POGLUT3: variants seen among roughly 807,000 people sequenced by gnomAD.
POGLUT3 encodes KDEL (Lys-Asp-Glu-Leu) containing 2.
In POGLUT3, 48 loss-of-function variants were observed where a neutral mutation model predicts 54.3. The ratio of observed to expected loss-of-function variants is 0.88; its 90% CI spans 0.70 to 1.12. The LOEUF (loss-of-function observed/expected upper bound fraction) is 1.12. POGLUT3 is among the 50% of genes most tolerant of loss of function. The probability of loss-of-function intolerance (pLI) is 0.00; values close to 1 mark genes in which losing one functional copy is unlikely to be tolerated. For missense variants in POGLUT3, 629 were observed against 618.7 expected, an observed-to-expected ratio of 1.02 and a Z score of -0.18; for synonymous variants, 218 against 237.4, an observed-to-expected ratio of 0.92 and a Z score of 0.75.
Position 108,472,600 on chromosome 11 carries a change from C to G in POGLUT3, c.*2227G>C, listed in dbSNP as rs1234204219. The G allele has an allele frequency of 1.3e-5, 2 of 152,196 alleles. No individual in the cohort carries two copies. The highest frequency in any genetic ancestry group is 2.9e-5 in the Non-Finnish European group (2 of 68,046). The allele number at this position is 152,196 out of a possible 1,614,324, so 9.4% of individuals were successfully genotyped here. A position where few individuals can be genotyped will look rare whatever the true frequency, so the allele number is the denominator to read the frequency against. On this transcript the variant is annotated 3_prime_UTR_variant, in exon 8 of 8. Coordinates refer to ENST00000323468, the MANE Select transcript of POGLUT3 (RefSeq NM_153705.5). Reference sequence around the variant, plus strand: ...ATCCTTCCTGTTCCACACACTGAATCTGCCTGGTTTGTCTCAACTTGCTTT... The same window carrying G: ...ATCCTTCCTGTTCCACACACTGAATGTGCCTGGTTTGTCTCAACTTGCTTT...
Position 108,474,416 on chromosome 11 carries a change from G to A in POGLUT3, c.*411C>T, listed in dbSNP as rs2093576216. On this transcript the variant is annotated 3_prime_UTR_variant, in exon 8 of 8. Coordinates refer to ENST00000323468, the MANE Select transcript of POGLUT3 (RefSeq NM_153705.5). The stretch of plus-strand genomic sequence containing the variant: ...TTTGAGTGCTGACACCACCACTTGG[G>A]TCGCTAAGATAGTGACACCTTTGCT... The A allele has an allele frequency of 6.6e-6, 1 of 152,350 alleles. No individual in the cohort carries two copies. Among genetic ancestry groups the A allele is most frequent in the African/African-American group, 2.4e-5 (1 of 41,424 alleles). 9.4% of individuals were successfully genotyped at this position (152,350 alleles called of 1,614,324 possible).
At chr11:108,484,640 C>T (rs533047460) in intron 3 of POGLUT3, among the ~76,000 whole-genome samples, 1 of 152,238 alleles carries the variant, frequency 6.6e-6, no homozygotes, top group East Asian at 1.9e-4. Context: ...TCTGTAATCC[C>T]AGCTACTCAG....
Position 108,474,558 on chromosome 11 carries a change from G to A in POGLUT3, c.*269C>T, listed in dbSNP as rs1376200642. 2 of 238,296 alleles carry A rather than the reference G, an allele frequency of 8.4e-6. No individual in the cohort carries two copies. The highest frequency in any genetic ancestry group is 1.1e-4 in the Admixed American group (2 of 18,938). The allele number at this position is 238,296 out of a possible 1,614,324, so 14.8% of individuals were successfully genotyped here. On this transcript the variant is annotated 3_prime_UTR_variant, in exon 8 of 8. Transcript: ENST00000323468. Reference sequence around the variant, plus strand: ...TATATAAAATATAAATGAATTTTGTGTTTAGACTTGGATCTCATCCCCAAG... The same window carrying A: ...TATATAAAATATAAATGAATTTTGTATTTAGACTTGGATCTCATCCCCAAG...
At chr11:108,484,152 G>C (rs1261224499) in intron 3 of POGLUT3, among the ~76,000 whole-genome samples, 1 of 152,146 alleles carries the variant, frequency 6.6e-6, no homozygotes, top group Non-Finnish European at 1.5e-5. Context: ...CAACCCCTGA[G>C]TTGTGACAAC....
intron 4 of POGLUT3, among the ~76,000 whole-genome samples, 189 bp downstream of exon 4, chr11:108,481,817 G>T (rs2093593237): frequency 6.6e-6 from 1 of 152,156 alleles, no homozygotes; most frequent in African/African-American, 2.4e-5. Flanking sequence ...CTAGCCCTTT[G>T]TTCTTACAAA....
At chr11:108,491,349 CTT>C (rs57238726) in intron 1 of POGLUT3, 182 bp from the exon 2 acceptor site, 5,396 of 542,160 alleles carry the variant, frequency 1.0e-2, no homozygotes, top group Middle Eastern at 0.014. Context: ...TTCATGCATT[CTT>C]TTTTTTTTTT....
chr11:108,482,037 T>C lies in POGLUT3; in HGVS notation c.870A>G (p.Thr290=), dbSNP rs1374971203. 6.2e-7 allele frequency: 1 copy of C among 1,613,960 alleles called. No homozygotes were observed. Among genetic ancestry groups the C allele is most frequent in the Non-Finnish European group, 8.5e-7 (1 of 1,179,946 alleles). Residue 290 remains threonine (T), a synonymous_variant, in exon 4 of 8, where the codon ACA becomes ACG. Transcript: ENST00000323468. ...HSMLEAMRGV[T]NDLLSIQGNT... is the part of the protein sequence containing the mutation. ...TTCCCTGAATAGAGAGGAGATCATT[T>C]GTAACACCCCGCATGGCTTCAAGCA...
chr11:108,490,855 T>C (rs2093611778), intron 2 of POGLUT3, 115 bp downstream of exon 2: 10 of 640,046 alleles, frequency 1.6e-5, no homozygotes, highest in Non-Finnish European at 2.7e-6. Flanking sequence ...CCAGGAGGTA[T>C]GTATACAATG....
intron 3 of POGLUT3, among the ~76,000 whole-genome samples, chr11:108,482,726 A>G (rs1330281721): frequency 5.9e-5 from 9 of 152,154 alleles, no homozygotes; most frequent in Non-Finnish European, 1.3e-4. Context: ...AGCCTGGGCG[A>G]CAGAGCAAGA....
chr11:108,487,898 C>T (rs2093606532), intron 2 of POGLUT3, among the ~76,000 whole-genome samples: 1 of 151,914 alleles, frequency 6.6e-6, no homozygotes, highest in Admixed American at 6.6e-5. Context: ...AGGCGTGAGC[C>T]ACCATGCCTG....
At chr11:108,492,453 A>T (rs1259544541) in intron 1 of POGLUT3, among the ~76,000 whole-genome samples, 1 of 152,222 alleles carries the variant, frequency 6.6e-6, no homozygotes, top group African/African-American at 2.4e-5. Flanking sequence ...GAAAATTGTG[A>T]CCAAAGTTGT....
intron 1 of POGLUT3, among the ~76,000 whole-genome samples, chr11:108,492,122 G>T (rs1029084297): frequency 3.3e-5 from 5 of 151,908 alleles, no homozygotes; most frequent in African/African-American, 1.2e-4. Context: ...ACACATCTTT[G>T]TAAATACTAG....
chr11:108,497,049 A>G (rs545856940), intron 1 of POGLUT3, among the ~76,000 whole-genome samples: 4 of 152,218 alleles, frequency 2.6e-5, no homozygotes, highest in East Asian at 1.9e-4. Context: ...CAGTGCTTCA[A>G]TGTTGCCACT....
rs375139448 is a variant in POGLUT3 at position 108,486,409 on chromosome 11, C to T, written c.432G>A (p.Pro144=). ...GPVYHEYCEC[P]EDPQAWQKTL... The stretch of plus-strand genomic sequence containing the variant: ...TCTTCTGCCAGGCCTGAGGATCTTC[C>T]GGACACTCACAGTACTCATGGTACA... Residue 144 remains proline, a synonymous_variant, in exon 3 of 8, where the codon CCG becomes CCA. Transcript: ENST00000323468. 49 of 1,613,848 alleles carry T rather than the reference C, an allele frequency of 3.0e-5. No homozygotes were observed. In the African/African-American group the frequency reaches 3.5e-4, roughly 11 times the overall value.
At chr11:108,497,391 T>C (rs1191641782) in intron 1 of POGLUT3, among the ~76,000 whole-genome samples, 1 of 152,210 alleles carries the variant, frequency 6.6e-6, no homozygotes. Flanking sequence ...CACTGGTTTA[T>C]TCTAATTGTC....
intron 1 of POGLUT3, among the ~76,000 whole-genome samples, chr11:108,493,381 A>AATTCTGTT (rs2093616443): frequency 6.6e-6 from 1 of 152,232 alleles, no homozygotes; most frequent in South Asian, 2.1e-4. Context: ...GATAATATGG[A>AATTCTGTT]TCAGGACTGA....
chr11:108,498,190 GC>G lies in POGLUT3; in HGVS notation c.176del (p.Gly59AlafsTer17). 2 of 1,520,368 alleles carry G rather than the reference GC, an allele frequency of 1.3e-6. No individual in the cohort carries two copies. The highest frequency in any genetic ancestry group is 1.8e-6 in the Non-Finnish European group (2 of 1,135,862). 94.2% of individuals were successfully genotyped at this position (1,520,368 alleles called of 1,614,324 possible). A position where few individuals can be genotyped will look rare whatever the true frequency, so the allele number is the denominator to read the frequency against. ...CTGCGGGAGAGCGAGTGAGGTTCTG[GC>G]CCTCCGAGTTGACCGCCTGCAGGTA... ...YFYLQAVNSE[G>X]QNLTRSPAGE... On this transcript the variant is annotated frameshift_variant, in exon 1 of 8. Transcript: ENST00000323468. LOFTEE classifies it high-confidence loss of function.
rs374390343 is a variant in POGLUT3, at chr11:108,491,161, G to A, written c.209C>T (p.Thr70Ile). 2 of 1,509,624 alleles carry A rather than the reference G, an allele frequency of 1.3e-6. No homozygotes were observed. Among genetic ancestry groups the A allele is most frequent in the Non-Finnish European group, 1.8e-6 (2 of 1,108,262 alleles). The allele number at this position is 1,509,624 out of a possible 1,614,324, so 93.5% of individuals were successfully genotyped here. The change falls in exon 2 of 8, where the codon ACA becomes ATA. Residue 70 changes from threonine to isoleucine, a missense_variant. Transcript: ENST00000323468. ...QNLTRSPAGE[T>I]PFKVVVKSLS... ...AGATTTGACTACGACTTTGAATGGT[G>A]TTTCACCTAAAAGGAAAAGAAATAT...
chr11:108,493,803 CAAAA>C (rs11351337), intron 1 of POGLUT3, among the ~76,000 whole-genome samples: 3 of 82,060 alleles, frequency 3.7e-5, no homozygotes. Flanking sequence ...GACTCTGTCT[CAAAA>C]AAAAAAAAAA....
Sources: allele counts gnomAD v4.1 joint callset (sites outside exome capture counted in the v4.1 genomes callset), GRCh38; gene constraint gnomAD v4.1.1; transcripts MANE v1.5; gene names NCBI Gene and HGNC (gene_info 2026-07-23, HGNC 2026-07-21).